TRPM3: variants seen among roughly 807,000 people sequenced by gnomAD.
TRPM3 encodes long transient receptor potential channel 3.
In TRPM3, 77 loss-of-function variants were observed where a neutral mutation model predicts 181.2. The observed-to-expected ratio is 0.42, with a 90% CI of 0.35 to 0.51. The LOEUF (loss-of-function observed/expected upper bound fraction) is 0.51, where lower values mean the gene tolerates loss of function less well. TRPM3 is among the 20% of genes least tolerant of loss of function. The pLI, the probability that TRPM3 is intolerant of heterozygous loss-of-function variation, is 0.01. For missense variants in TRPM3, 1,759 were observed against 2,196.7 expected (o/e 0.80, Z 3.98); for synonymous variants, 745 against 796.4 (o/e 0.94, Z 1.09).
At chr9:71,108,089 C>T (rs186972049) in intron 1 of TRPM3, among the ~76,000 whole-genome samples, 1 of 152,236 alleles carries the variant, frequency 6.6e-6, no homozygotes, top group Non-Finnish European at 1.5e-5. Context: ...TTCATGATTT[C>T]AATATGTTCC....
In TRPM3 at chr9:71,145,149, A is replaced by T. The variant is rs116919937; in HGVS notation, c.184-280638T>A. 5.8e-3 allele frequency among the ~76,000 whole-genome samples: 886 copies of T among 152,282 alleles called. 5 individuals are homozygous for T. The highest frequency in any genetic ancestry group is 0.011 in the Non-Finnish European group (726 of 68,010). ...ACTAGAACAGCTGTTTATCATCATA[A>T]TTATAATGAAGAGCAAAGAGTCAAC... On this transcript the variant is annotated intron_variant, in intron 1 of 24. Transcript: ENST00000357533.
chr9:70,877,366 G>A (rs1426352729), intron 1 of TRPM3, among the ~76,000 whole-genome samples: 1 of 151,990 alleles, frequency 6.6e-6, no homozygotes, highest in Non-Finnish European at 1.5e-5. Context: ...TTATAAGTTA[G>A]TCTTTAATCT....
chr9:71,367,274 G>A (rs904457604), intron 1 of TRPM3, among the ~76,000 whole-genome samples: 1 of 152,146 alleles, frequency 6.6e-6, no homozygotes, highest in Non-Finnish European at 1.5e-5. Flanking sequence ...GCTCAAGAGA[G>A]ACCAAAAGTA....
chr9:71,368,407 C>A (rs564919167), intron 1 of TRPM3, among the ~76,000 whole-genome samples: 1 of 152,222 alleles, frequency 6.6e-6, no homozygotes, highest in Admixed American at 6.5e-5. Flanking sequence ...AGCAAGGAAG[C>A]TTTTATCTCA....
At chr9:70,578,365 A>G (rs1434057253) in intron 22 of TRPM3, among the ~76,000 whole-genome samples, 5 of 151,586 alleles carry the variant, frequency 3.3e-5, no homozygotes, top group Non-Finnish European at 7.4e-5. Context: ...GAGGTGTTGA[A>G]GTTTGCTAGA....
At chr9:71,022,733 A>G (rs945350016) in intron 1 of TRPM3, among the ~76,000 whole-genome samples, 4 of 152,126 alleles carry the variant, frequency 2.6e-5, no homozygotes, top group African/African-American at 9.7e-5. Context: ...GTACAGCATA[A>G]TAAAATAAAA....
chr9:70,818,039 C>T (rs142646431), intron 6 of TRPM3, among the ~76,000 whole-genome samples: 52 of 152,126 alleles, frequency 3.4e-4, no homozygotes, highest in African/African-American at 1.0e-3. Flanking sequence ...ACAACATTAA[C>T]GTCAGTGTTG....
intron 4 of TRPM3, among the ~76,000 whole-genome samples, chr9:70,844,014 C>T (rs2094834241): frequency 6.6e-6 from 1 of 152,124 alleles, no homozygotes; most frequent in Admixed American, 6.5e-5. Context: ...TGCAGTTTGT[C>T]AATTTTGAAT....
At chr9:71,413,781 G>A (rs1486812200) in intron 1 of TRPM3, among the ~76,000 whole-genome samples, 1 of 151,932 alleles carries the variant, frequency 6.6e-6, no homozygotes, top group Non-Finnish European at 1.5e-5. Flanking sequence ...TTTGGAAGCT[G>A]AGAGACTGGG....
chr9:70,694,551 G>C (rs1219070251), intron 8 of TRPM3, among the ~76,000 whole-genome samples: 1 of 152,150 alleles, frequency 6.6e-6, no homozygotes, highest in Non-Finnish European at 1.5e-5. Flanking sequence ...CGCGATCTCG[G>C]CTCACTGCAA....
chr9:71,428,687 G>A (rs2093910423), intron 1 of TRPM3, among the ~76,000 whole-genome samples: 1 of 152,064 alleles, frequency 6.6e-6, no homozygotes, highest in African/African-American at 2.4e-5. Context: ...CAGCCAATTT[G>A]CAAGTGATAC....
chr9:70,762,851 C>T (rs983177029), intron 7 of TRPM3, among the ~76,000 whole-genome samples: 5 of 152,138 alleles, frequency 3.3e-5, no homozygotes, highest in African/African-American at 1.2e-4. Context: ...GGGCTCTTTC[C>T]ACCACACCAT....
intron 1 of TRPM3, among the ~76,000 whole-genome samples, chr9:71,336,350 C>T (rs2090556213): frequency 3.9e-5 from 6 of 152,100 alleles, no homozygotes; most frequent in Admixed American, 3.9e-4. Context: ...CTCCCATTCA[C>T]AATTGCTACA....
intron 1 of TRPM3, among the ~76,000 whole-genome samples, chr9:71,105,745 G>A (rs1319705511): frequency 6.6e-6 from 1 of 152,146 alleles, no homozygotes; most frequent in East Asian, 1.9e-4. Flanking sequence ...TCTCTTCTCA[G>A]CCAGAAAAGT....
intron 1 of TRPM3, among the ~76,000 whole-genome samples, chr9:71,157,695 CA>C (rs10718632): frequency 0.095 from 14,503 of 152,052 alleles, 806 homozygotes; most frequent in African/African-American, 0.15. Flanking sequence ...TGTTTTTAAG[CA>C]TTACAGGGAA....
chr9:71,298,667 C>T lies in TRPM3; in HGVS notation c.183+147986G>A, dbSNP rs186251397. ...GCCCCATCACTGCTTGGCCAGGGTC[C>T]AAGAGCAAACTGCAGGTAGCAACAC... On this transcript the variant is annotated intron_variant, in intron 1 of 24. Coordinates refer to the TRPM3 transcript ENST00000357533. Among the ~76,000 whole-genome samples, 592 of 152,124 alleles carry T rather than the reference C, an allele frequency of 3.9e-3. 7 individuals carry two copies. Among genetic ancestry groups the T allele is most frequent in the Admixed American group, 3.9e-3 (59 of 15,276 alleles).
chr9:71,119,929 G>A (rs571749045), intron 1 of TRPM3, among the ~76,000 whole-genome samples: 30 of 152,218 alleles, frequency 2.0e-4, no homozygotes, highest in African/African-American at 4.8e-4. Flanking sequence ...GCAAGCCATC[G>A]CCATGACAAC....
At chr9:71,059,112 G>T (rs766807868) in intron 1 of TRPM3, among the ~76,000 whole-genome samples, 1 of 146,394 alleles carries the variant, frequency 6.8e-6, no homozygotes, top group Non-Finnish European at 1.5e-5. Flanking sequence ...AAGGGCTGGA[G>T]GAGAAAGACT....
intron 6 of TRPM3, among the ~76,000 whole-genome samples, chr9:70,796,299 G>A (rs192396039): frequency 7.9e-5 from 12 of 152,340 alleles, no homozygotes; most frequent in Admixed American, 3.9e-4. Context: ...TTTCAGGGAC[G>A]AGCTAGGCAG....
Sources: gnomAD v4.1 joint callset for allele counts (sites outside exome capture counted in the v4.1 genomes callset) on GRCh38, gnomAD v4.1.1 for gene constraint, MANE v1.5 for transcripts, NCBI Gene and HGNC (gene_info 2026-07-23, HGNC 2026-07-21) for gene names.